The following ALK variants were observed in gnomAD, a reference collection of about 807,000 sequenced individuals.
The protein encoded by ALK is ALK tyrosine kinase receptor.
In ALK, 74 loss-of-function variants were observed where a neutral mutation model predicts 163.1. That is an observed-to-expected ratio of 0.45 (90% CI 0.38 to 0.55). The LOEUF (loss-of-function observed/expected upper bound fraction) is 0.55. Among genes scored for constraint, ALK ranks in the 20% least tolerant of loss-of-function variants. ALK has a pLI of 0.00. For missense variants in ALK, 2,063 were observed against 2,105.3 expected, an observed-to-expected ratio of 0.98 and a Z score of 0.39; for synonymous variants, 960 against 843.2, an observed-to-expected ratio of 1.14 and a Z score of -2.40.
At chr2:29,662,730 T>G (rs1677387112) in intron 3 of ALK, among the ~76,000 whole-genome samples, 1 of 152,176 alleles carries the variant, frequency 6.6e-6, no homozygotes, top group Non-Finnish European at 1.5e-5. Context: ...CTCATTGTTT[T>G]TTTTGCGTAA....
chr2:29,578,802 T>G (rs1674595983), intron 3 of ALK, among the ~76,000 whole-genome samples: 1 of 152,194 alleles, frequency 6.6e-6, no homozygotes, highest in African/African-American at 2.4e-5. Flanking sequence ...GTGAAGAGAC[T>G]TGCCCAAGGT....
At chr2:29,595,567 G>A (rs1486047140) in intron 3 of ALK, among the ~76,000 whole-genome samples, 2 of 152,034 alleles carry the variant, frequency 1.3e-5, no homozygotes, top group African/African-American at 2.4e-5. Context: ...TGATCCGCCC[G>A]CCTCGGCCTC....
At chr2:29,811,104 C>T (rs199731894) in intron 1 of ALK, among the ~76,000 whole-genome samples, 107 of 151,884 alleles carry the variant, frequency 7.0e-4, no homozygotes, top group Non-Finnish European at 1.4e-3. Flanking sequence ...ACTGCAGAGT[C>T]GAAAGAGATG....
chr2:29,720,874 A>T (rs1422695610), intron 1 of ALK, among the ~76,000 whole-genome samples: 1 of 152,108 alleles, frequency 6.6e-6, no homozygotes, highest in Non-Finnish European at 1.5e-5. Flanking sequence ...TGAAAATATG[A>T]GGATCCAGAG....
At chr2:29,702,581 T>G (rs1678775697) in intron 2 of ALK, among the ~76,000 whole-genome samples, 1 of 152,198 alleles carries the variant, frequency 6.6e-6, no homozygotes, top group African/African-American at 2.4e-5. Flanking sequence ...CTTCTAGGTT[T>G]CTTGATTGTA....
At chr2:29,247,969 A>G (rs1221192418) in intron 12 of ALK, among the ~76,000 whole-genome samples, 1 of 152,136 alleles carries the variant, frequency 6.6e-6, no homozygotes, top group Non-Finnish European at 1.5e-5. Flanking sequence ...TTTCAGAGAA[A>G]GGTTGCTGAC....
At chr2:29,809,654 T>G (rs1230790955) in intron 1 of ALK, among the ~76,000 whole-genome samples, 2 of 152,172 alleles carry the variant, frequency 1.3e-5, no homozygotes, top group Non-Finnish European at 2.9e-5. Context: ...GAGATCCCCA[T>G]GATCCCTACT....
At chr2:29,391,601 C>T (rs72792436) in intron 4 of ALK, among the ~76,000 whole-genome samples, 9,674 of 152,198 alleles carry the variant, frequency 0.064, 554 homozygotes, top group East Asian at 0.32. Flanking sequence ...GCCACCGCAC[C>T]GGCCTCCTAG....
At chr2:29,230,231 A>G (rs1431971546) in intron 15 of ALK, among the ~76,000 whole-genome samples, 1 of 152,178 alleles carries the variant, frequency 6.6e-6, no homozygotes, top group Non-Finnish European at 1.5e-5. Context: ...ATCCTATGTA[A>G]TAGTTATTGT....
intron 4 of ALK, among the ~76,000 whole-genome samples, chr2:29,405,353 T>C (rs1669558193): frequency 6.6e-6 from 1 of 152,178 alleles, no homozygotes; most frequent in Admixed American, 6.5e-5. Flanking sequence ...CAATATGCCT[T>C]TGGTGGAAAC....
At chr2:29,399,128 CTG>C (rs1669382647) in intron 4 of ALK, among the ~76,000 whole-genome samples, 1 of 152,094 alleles carries the variant, frequency 6.6e-6, no homozygotes, top group African/African-American at 2.4e-5. Flanking sequence ...GACACTAACT[CTG>C]TGTCAGACGC....
chr2:29,221,363 A>G (rs991766837), intron 22 of ALK: 5 of 435,804 alleles, frequency 1.1e-5, no homozygotes, highest in Admixed American at 6.0e-5. Flanking sequence ...TCTTGTTAAC[A>G]TGATCCCTTT....
chr2:29,746,930 CCA>C (rs1021611723), intron 1 of ALK, among the ~76,000 whole-genome samples: 1 of 152,178 alleles, frequency 6.6e-6, no homozygotes, highest in Non-Finnish European at 1.5e-5. Context: ...CTAAAAGAAA[CCA>C]CAGTCCCTGA....
At chr2:29,217,279 G>A (rs1669665143) in intron 23 of ALK, among the ~76,000 whole-genome samples, 1 of 149,548 alleles carries the variant, frequency 6.7e-6, no homozygotes, top group Non-Finnish European at 1.5e-5. Flanking sequence ...TTTGTGTGGT[G>A]CATGTCTGTG....
chr2:29,339,455 G>A (rs1453869838), intron 5 of ALK, among the ~76,000 whole-genome samples: 2 of 152,180 alleles, frequency 1.3e-5, no homozygotes, highest in African/African-American at 4.8e-5. Flanking sequence ...AGGGGTGGCT[G>A]CGGAGGGAGG....
chr2:29,570,791 G>C (rs952882500), intron 3 of ALK, among the ~76,000 whole-genome samples: 4 of 152,208 alleles, frequency 2.6e-5, no homozygotes, highest in Non-Finnish European at 5.9e-5. Context: ...GCAGAGTGCA[G>C]ATGGCGAACA....
At chr2:29,375,793 G>A (rs1668739836) in intron 5 of ALK, among the ~76,000 whole-genome samples, 1 of 152,152 alleles carries the variant, frequency 6.6e-6, no homozygotes, top group African/African-American at 2.4e-5. Flanking sequence ...TGGTCTTTCT[G>A]AGAAAGGAAT....
intron 1 of ALK, among the ~76,000 whole-genome samples, chr2:29,834,044 C>T (rs1017709968): frequency 3.3e-5 from 5 of 152,094 alleles, no homozygotes; most frequent in Admixed American, 6.6e-5. Flanking sequence ...ATGGGGTATA[C>T]GAAAGCACTT....
At chr2:29,296,749 G>A (rs564857313) in intron 9 of ALK, 139 bp downstream of exon 9, 117 of 905,900 alleles carry the variant, frequency 1.3e-4, no homozygotes, top group African/African-American at 5.3e-4. Flanking sequence ...GTGCACGTGC[G>A]TGCACGCGCA....
Sources: gnomAD v4.1 joint callset for allele counts (sites outside exome capture counted in the v4.1 genomes callset) on GRCh38, gnomAD v4.1.1 for gene constraint, MANE v1.5 for transcripts, NCBI Gene and HGNC (gene_info 2026-07-23, HGNC 2026-07-21) for gene names.